Variants in CREB5 observed in about 807,000 individuals in gnomAD.
The protein encoded by CREB5 is cyclic AMP-responsive element-binding protein 5.
A neutral mutation model predicts 57.1 loss-of-function variants in CREB5; 19 were observed. The observed-to-expected ratio is 0.33, with a 90% CI of 0.23 to 0.49. CREB5 has a LOEUF of 0.49. Ranked by LOEUF, CREB5 falls within the 20% of genes least tolerant of loss-of-function variation. The pLI is 0.99. For synonymous variants in CREB5, 238 were observed against 238.3 expected (o/e 1.00, Z 0.01); for missense variants, 579 against 671.6 (o/e 0.86, Z 1.52).
upstream of CREB5, chr7:28,409,814 C>T (rs1234490270): frequency 2.2e-6 from 1 of 449,644 alleles, no homozygotes; most frequent in East Asian, 7.2e-5. This position sits in a 1 kb window ranked among gnomAD's most constrained non-coding sequence, Gnocchi z 4.4. Flanking sequence ...CGAGTCCGCC[C>T]GGCGTGCGTG....
intron 5 of CREB5, among the ~76,000 whole-genome samples, chr7:28,610,742 G>A: frequency 6.6e-6 from 1 of 152,180 alleles, no homozygotes; most frequent in East Asian, 1.9e-4. Flanking sequence ...TCTCTGCACA[G>A]TTCTGGGCCT....
At chr7:28,560,837 T>TGCGTGC (rs1562797074) in intron 4 of CREB5, among the ~76,000 whole-genome samples, 1 of 92,238 alleles carries the variant, frequency 1.1e-5, no homozygotes, top group Admixed American at 1.0e-4. Context: ...CGCGCGCGTG[T>TGCGTGC]GTGTGTGCGC....
At chr7:28,803,707 G>T (rs1378804431) in intron 7 of CREB5, among the ~76,000 whole-genome samples, 2 of 137,214 alleles carry the variant, frequency 1.5e-5, no homozygotes, top group African/African-American at 2.8e-5. Flanking sequence ...AGTGAGCCGA[G>T]ATCGCACCAC....
At chr7:28,375,483 T>C (rs1426778273) in intron 1 of CREB5, among the ~76,000 whole-genome samples, 1 of 152,114 alleles carries the variant, frequency 6.6e-6, no homozygotes, top group African/African-American at 2.4e-5. Context: ...AATTTAATTG[T>C]ACATTTTAAA....
chr7:28,399,418 TAAAA>T (rs34901571), intron 1 of CREB5, among the ~76,000 whole-genome samples: 5 of 128,146 alleles, frequency 3.9e-5, no homozygotes, highest in Non-Finnish European at 5.0e-5. Flanking sequence ...ATCATTCTGG[TAAAA>T]AAAAAAAAAA....
rs543512349 is a variant in CREB5 at position 28,818,816 on chromosome 7, C to T, written c.1364-300C>T. ...TGAGTATTTTTCCACATTTGATATA[C>T]GGATGGCTATTTAAAAAGACAAAAT... On this transcript the variant is annotated intron_variant, in intron 10 of 10. Coordinates refer to ENST00000357727, the MANE Select transcript of CREB5 (RefSeq NM_182898.4). 4.5e-5 allele frequency: 23 copies of T among 505,638 alleles called. 1 individual carries two copies. Among genetic ancestry groups the T allele is most frequent in the South Asian group, 1.7e-4 (11 of 64,468 alleles). 31.3% of individuals were successfully genotyped at this position (505,638 alleles called of 1,614,324 possible).
intron 1 of CREB5, among the ~76,000 whole-genome samples, chr7:28,405,161 A>G (rs1175828309): frequency 1.3e-5 from 2 of 152,228 alleles, no homozygotes; most frequent in African/African-American, 4.8e-5. Context: ...CAAATAAGGT[A>G]ATGAAGAAAC....
At chr7:28,798,396 T>C (rs1482854770) in intron 7 of CREB5, among the ~76,000 whole-genome samples, 1 of 126,568 alleles carries the variant, frequency 7.9e-6, no homozygotes, top group Non-Finnish European at 1.8e-5. Flanking sequence ...GCTGCGTGTG[T>C]GCACACTCAC....
rs1799440124 is a variant in CREB5, at chr7:28,658,923, C to T, written c.465-59830C>T. ...TTGACTCGGTCTCTAATCTTTAAAT[C>T]ATTGCACTAAATATTATATGTGTGT... On this transcript the variant is annotated intron_variant, in intron 5 of 10. Coordinates refer to ENST00000357727, the MANE Select transcript of CREB5 (RefSeq NM_182898.4). 2.1e-5 allele frequency among the ~76,000 whole-genome samples: 2 copies of T among 93,734 alleles called. 1 individual carries two copies. The highest frequency in any genetic ancestry group is 5.9e-4 in the South Asian group (2 of 3,406). 61.5% of individuals were successfully genotyped at this position (93,734 alleles called of 152,430 possible).
At chr7:28,571,438 A>C (rs188970929) in intron 5 of CREB5, among the ~76,000 whole-genome samples, 1 of 151,900 alleles carries the variant, frequency 6.6e-6, no homozygotes, top group East Asian at 2.0e-4. Context: ...CTTCCTCTAC[A>C]TTGGTCCATG....
intron 7 of CREB5, among the ~76,000 whole-genome samples, chr7:28,725,220 G>C (rs1005454481): frequency 1.3e-5 from 2 of 152,184 alleles, no homozygotes; most frequent in African/African-American, 4.8e-5. Flanking sequence ...CTGATGGTTG[G>C]TGTGAGGATG....
chr7:28,449,923 C>A (rs1458084239), intron 1 of CREB5, among the ~76,000 whole-genome samples: 4 of 152,108 alleles, frequency 2.6e-5, no homozygotes, highest in Non-Finnish European at 5.9e-5. Context: ...GTGAAATAGT[C>A]AAGTACCACT....
chr7:28,575,513 A>G (rs557943084), intron 5 of CREB5, among the ~76,000 whole-genome samples: 1 of 152,354 alleles, frequency 6.6e-6, no homozygotes, highest in South Asian at 2.1e-4. Flanking sequence ...CAAAGTGAGC[A>G]TGAGTAAGAC....
chr7:28,543,578 T>TAAAAAAAAAAAAAAAAAAAA (rs34533813), intron 4 of CREB5, among the ~76,000 whole-genome samples: 1 of 92,354 alleles, frequency 1.1e-5, no homozygotes, highest in Non-Finnish European at 2.2e-5. Context: ...TCATTTTAGG[T>TAAAAAAAAAAAAAAAAAAAA]AAAAAAAAAA....
rs1205993517 is a variant in CREB5 at position 28,821,062 on chromosome 7, G to A, written c.*1783G>A. ...CATCTCACAAATAACAGGGGTGAAT[G>A]TTTCTCTCTAGCAATCTAGGCAGGT... On this transcript the variant is annotated 3_prime_UTR_variant, in exon 11 of 11. Coordinates refer to ENST00000357727, the MANE Select transcript of CREB5 (RefSeq NM_182898.4). 6.6e-6 allele frequency: 1 copy of A among 152,280 alleles called. No individual in the cohort carries two copies. Among genetic ancestry groups the A allele is most frequent in the Non-Finnish European group, 1.5e-5 (1 of 68,030 alleles). 9.4% of individuals were successfully genotyped at this position (152,280 alleles called of 1,614,324 possible).
intron 5 of CREB5, among the ~76,000 whole-genome samples, chr7:28,590,975 A>G (rs1796490903): frequency 6.6e-6 from 1 of 152,204 alleles, no homozygotes; most frequent in African/African-American, 2.4e-5. Context: ...AAAGACTTTG[A>G]TGTCTTTCAG....
At chr7:28,695,540 G>A (rs1483920642) in intron 5 of CREB5, among the ~76,000 whole-genome samples, 1 of 152,198 alleles carries the variant, frequency 6.6e-6, no homozygotes, top group Non-Finnish European at 1.5e-5. Context: ...GGGGTGCAGA[G>A]GCCACAAGAT....
rs35952532 is a variant in CREB5 at position 28,732,720 on chromosome 7, CT to C, written c.702+8404del. ...ACTTTGGGATGATGACTCTGTCTTG[CT>C]TTTTTTTTTTTTTTTGTGGGAAGCA... On this transcript the variant is annotated intron_variant, in intron 7 of 10. Transcript: ENST00000357727. Among the ~76,000 whole-genome samples, 570 of 131,870 alleles carry C rather than the reference CT, an allele frequency of 4.3e-3. 1 individual carries two copies. The highest frequency in any genetic ancestry group is 8.1e-3 in the Middle Eastern group (2 of 248). 86.5% of individuals were successfully genotyped at this position (131,870 alleles called of 152,430 possible).
intron 8 of CREB5, among the ~76,000 whole-genome samples, chr7:28,805,429 C>T (rs1445232673): frequency 1.3e-5 from 2 of 152,210 alleles, no homozygotes; most frequent in Non-Finnish European, 2.9e-5. Context: ...CCAGTCCACA[C>T]TGCCAGCTTC....
Sources: gnomAD v4.1 joint callset for allele counts (sites outside exome capture counted in the v4.1 genomes callset) on GRCh38, gnomAD v4.1.1 for gene constraint, Gnocchi (gnomAD v3.1) non-coding constraint, MANE v1.5 for transcripts, NCBI Gene and HGNC (gene_info 2026-07-23, HGNC 2026-07-21) for gene names.